Variants in CNTNAP5 observed in about 807,000 individuals in gnomAD.
CNTNAP5 encodes the protein contactin-associated protein-like 5.
CNTNAP5 carries 72 observed loss-of-function variants against 150.2 expected under a neutral mutation model. The observed-to-expected ratio is 0.48, with a 90% CI of 0.40 to 0.58. The LOEUF is 0.58. Among genes scored for constraint, CNTNAP5 ranks in the 20% least tolerant of loss-of-function variants. The pLI, the probability that CNTNAP5 is intolerant of heterozygous loss-of-function variation, is 0.00. For missense variants in CNTNAP5, 1,636 were observed against 1,626.2 expected (o/e 1.01, Z -0.10); for synonymous variants, 672 against 619.8 (o/e 1.08, Z -1.25).
In CNTNAP5 at chr2:124,434,485, A is replaced by C. The variant is rs748844985; in HGVS notation, c.531A>C (p.Lys177Asn). The C allele has an allele frequency of 2.2e-5, 35 of 1,613,236 alleles. No homozygotes were observed. Among genetic ancestry groups the C allele is most frequent in the Admixed American group, 5.0e-5 (3 of 59,992 alleles). ...MRVEVYGCSYKSDVADFDGRS... is the reference protein window; with the variant it reads ...MRVEVYGCSYNSDVADFDGRS... The stretch of plus-strand genomic sequence containing the variant: ...TTCCCGCTCCTTCTTTGTTCCCAGA[A>C]TCAGATGTTGCTGACTTTGATGGCC... The change falls in exon 5 of 24, where the codon AAA becomes AAC. Residue 177 changes from lysine (K) to asparagine (N), a missense_variant and splice_region_variant. Physicochemically the swap from Lys to Asn is moderately conservative, Grantham distance 94. Transcript: ENST00000682447.
chr2:124,342,769 AAAAC>A (rs1223524455), intron 3 of CNTNAP5, among the ~76,000 whole-genome samples: 2 of 152,180 alleles, frequency 1.3e-5, no homozygotes, highest in African/African-American at 4.8e-5. Context: ...GTTTAAAAGA[AAAAC>A]AAAGTCTTGC....
chr2:124,524,464 A>C lies in CNTNAP5; in HGVS notation c.1477+12A>C. ...CTACTATTTTGGAGGTAAATTCTCC[A>C]GTCTTTAAGAGGGAAAATTAAGAAG... On this transcript the variant is annotated intron_variant, in intron 9 of 23. Coordinates refer to ENST00000682447, the MANE Select transcript of CNTNAP5 (RefSeq NM_001367498.1). 3 of 1,596,748 alleles carry C rather than the reference A, an allele frequency of 1.9e-6. No homozygotes were observed. Among genetic ancestry groups the C allele is most frequent in the Non-Finnish European group, 2.6e-6 (3 of 1,169,736 alleles).
At chr2:124,790,927 G>T (rs1456456987) in intron 18 of CNTNAP5, among the ~76,000 whole-genome samples, 1 of 152,134 alleles carries the variant, frequency 6.6e-6, no homozygotes, top group Non-Finnish European at 1.5e-5. Context: ...TAAGGAAAAA[G>T]ATTTGGTGTA....
chr2:124,434,601 G>A lies in CNTNAP5; in HGVS notation c.647G>A (p.Gly216Glu). 2 of 1,613,940 alleles carry A rather than the reference G, an allele frequency of 1.2e-6. No individual in the cohort carries two copies. The highest frequency in any genetic ancestry group is 1.7e-6 in the Non-Finnish European group (2 of 1,179,852). The change falls in exon 5 of 24, where the codon GGG (glycine) becomes GAG (glutamate). Residue 216 changes from glycine to glutamate, a missense_variant. By Grantham distance (98) the Gly-to-Glu change is moderately conservative. Transcript: ENST00000682447. ...SLKFKSMQGD[G>E]VLFHGEGQRG... ...AAGTTCAAGAGCATGCAAGGAGATG[G>A]GGTCCTGTTCCATGGAGAAGGTCAG...
intron 10 of CNTNAP5, among the ~76,000 whole-genome samples, chr2:124,553,739 G>A (rs1458237806): frequency 2.6e-5 from 4 of 152,128 alleles, no homozygotes; most frequent in Non-Finnish European, 5.9e-5. Flanking sequence ...TCTAAAACCT[G>A]TTATTTTCAC....
At chr2:124,316,700 G>T (rs911634354) in intron 3 of CNTNAP5, among the ~76,000 whole-genome samples, 1 of 149,578 alleles carries the variant, frequency 6.7e-6, no homozygotes, top group Admixed American at 6.7e-5. Flanking sequence ...AGCTACTCTG[G>T]ACGCTGAGGC....
chr2:124,563,126 T>C (rs981518358), intron 10 of CNTNAP5, 91 bp from the exon 11 acceptor site: 2 of 744,082 alleles, frequency 2.7e-6, no homozygotes, highest in Non-Finnish European at 4.7e-6. Context: ...CTACTATTAA[T>C]TGAGGCAGTT....
chr2:124,569,645 C>T (rs1225891002), intron 11 of CNTNAP5, among the ~76,000 whole-genome samples: 1 of 152,202 alleles, frequency 6.6e-6, no homozygotes, highest in Non-Finnish European at 1.5e-5. Context: ...GATCTTTTCA[C>T]CATTTCTCAG....
intron 3 of CNTNAP5, among the ~76,000 whole-genome samples, chr2:124,256,838 C>T (rs1228822933): frequency 1.3e-5 from 2 of 152,042 alleles, no homozygotes; most frequent in African/African-American, 2.4e-5. Flanking sequence ...AAGAGTGCTC[C>T]CACAAAATTC....
rs59615428 is a variant in CNTNAP5, at chr2:124,534,792, C to T, written c.1649+7336C>T. On this transcript the variant is annotated intron_variant, in intron 10 of 23. Transcript: ENST00000682447. ...TCATCTTGACTTGGTGGGTTTTGGT[C>T]GGCTTCTTTACTGGATCCTGTTTTA... is the stretch of plus-strand genomic sequence containing the variant. Among the ~76,000 whole-genome samples, 653 of 152,244 alleles carry T rather than the reference C, an allele frequency of 4.3e-3. 5 individuals carry two copies. The highest frequency in any genetic ancestry group is 0.015 in the African/African-American group (619 of 41,572).
chr2:124,344,462 T>C (rs1689691823), intron 3 of CNTNAP5, among the ~76,000 whole-genome samples: 1 of 152,158 alleles, frequency 6.6e-6, no homozygotes, highest in African/African-American at 2.4e-5. Context: ...AGAGGAATGA[T>C]AGGCCCCATG....
At chr2:124,910,123 C>T (rs1329113168) in intron 22 of CNTNAP5, among the ~76,000 whole-genome samples, 2 of 151,904 alleles carry the variant, frequency 1.3e-5, no homozygotes, top group Non-Finnish European at 2.9e-5. Flanking sequence ...CCACAAATGG[C>T]ATAAACTACC....
chr2:124,353,286 C>CAAAAAAAAAA (rs565907115), intron 3 of CNTNAP5, among the ~76,000 whole-genome samples: 3 of 88,258 alleles, frequency 3.4e-5, no homozygotes, highest in African/African-American at 4.3e-5. Context: ...AAAAACAGAC[C>CAAAAAAAAAA]AAAAAAAAAA....
At chr2:124,565,682 C>T (rs1696006878) in intron 11 of CNTNAP5, among the ~76,000 whole-genome samples, 1 of 136,142 alleles carries the variant, frequency 7.3e-6, no homozygotes, top group African/African-American at 2.7e-5. Flanking sequence ...TCACTGCAAC[C>T]TCCGCCTCCC....
chr2:124,207,808 G>A (rs1420187597), intron 1 of CNTNAP5, among the ~76,000 whole-genome samples: 1 of 152,182 alleles, frequency 6.6e-6, no homozygotes, highest in Non-Finnish European at 1.5e-5. Context: ...AGGGTTTGGT[G>A]AGGGAAAAAT....
chr2:124,474,498 G>T (rs1289785262), intron 6 of CNTNAP5, among the ~76,000 whole-genome samples: 1 of 151,814 alleles, frequency 6.6e-6, no homozygotes, highest in Non-Finnish European at 1.5e-5. Flanking sequence ...TATTAAAAAG[G>T]TTCAGAAAGG....
chr2:124,604,951 C>T (rs1697067963), intron 11 of CNTNAP5, among the ~76,000 whole-genome samples: 2 of 152,084 alleles, frequency 1.3e-5, no homozygotes, highest in Non-Finnish European at 2.9e-5. Context: ...CCTATTGATC[C>T]ATTTCATTTA....
At position 124,264,741 on chromosome 2, in the gene CNTNAP5, C is replaced by T. The variant is rs78113719; in HGVS notation, c.381+22348C>T. 1.4e-3 allele frequency among the ~76,000 whole-genome samples: 208 copies of T among 152,306 alleles called. 3 individuals carry two copies. The East Asian group carries it at 0.034, about 25-fold the overall frequency. On this transcript the variant is annotated intron_variant, in intron 3 of 23. Transcript: ENST00000682447. ...TCTGCAGTGGTTTTGTGGCTTTGCT[C>T]GCATGCCAGAGGCAGAACAGACAGA...
At chr2:124,613,701 C>G (rs1232704733) in intron 12 of CNTNAP5, among the ~76,000 whole-genome samples, 1 of 152,174 alleles carries the variant, frequency 6.6e-6, no homozygotes, top group Non-Finnish European at 1.5e-5. Flanking sequence ...AGTCCCTAAC[C>G]TGTCCTGGGA....
Sources: gnomAD v4.1 joint callset for allele counts (sites outside exome capture counted in the v4.1 genomes callset) on GRCh38, gnomAD v4.1.1 for gene constraint, MANE v1.5 for transcripts, NCBI Gene and HGNC (gene_info 2026-07-23, HGNC 2026-07-21) for gene names.